TRPM2: variants seen among roughly 807,000 people sequenced by gnomAD.
TRPM2 encodes estrogen-responsive element-associated gene 1 protein.
Under a neutral mutation model 174.0 loss-of-function variants are expected in TRPM2, and 161 were observed. The observed-to-expected ratio is 0.93, with a 90% confidence interval of 0.81 to 1.05. The LOEUF (loss-of-function observed/expected upper bound fraction) is 1.05. Ranked by LOEUF, TRPM2 falls within the 50% of genes least tolerant of loss-of-function variation. TRPM2 has a pLI of 0.00. For missense variants in TRPM2, 2,057 were observed against 2,038.0 expected (o/e 1.01, Z -0.18); for synonymous variants, 954 against 861.3 (o/e 1.11, Z -1.88).
At chr21:44,397,420 G>C (rs45608434) in intron 12 of TRPM2, among the ~76,000 whole-genome samples, 5,852 of 152,228 alleles carry the variant, frequency 0.038, 313 homozygotes, top group African/African-American at 0.12. Context: ...CACTGGGCAC[G>C]CACAGGCCGG....
At position 44,391,643 on chromosome 21, in the gene TRPM2, G is replaced by T; in HGVS notation, c.1794+18G>T. 6.4e-7 allele frequency: 1 copy of T among 1,553,260 alleles called. No homozygotes were observed. Among genetic ancestry groups the T allele is most frequent in the Admixed American group, 1.8e-5 (1 of 54,590 alleles). ...AGCTCAACGTGCGTGCTGGTAACGG[G>T]GCCCATCCTGGACTCGTCTTCGCGG... On this transcript the variant is annotated intron_variant, in intron 11 of 31. Transcript: ENST00000397928. This position sits in a 1 kb window ranked among gnomAD's most constrained non-coding sequence, Gnocchi z 5.0.
intron 7 of TRPM2, 134 bp from the exon 8 acceptor site, chr21:44,378,863 T>G (rs1429993290): frequency 3.1e-6 from 3 of 972,606 alleles, no homozygotes; most frequent in East Asian, 2.6e-5. Context: ...ACGAAACTAA[T>G]AAGTGCTTTC....
chr21:44,441,889 C>A lies in TRPM2; in HGVS notation c.*72C>A, dbSNP rs560881842. Reference sequence around the variant, plus strand: ...GAAACCAGGGCTTCTCTCTCCTGAGCCTGGCCAGGACTCAGGCTGTTCCTG... The same window carrying A: ...GAAACCAGGGCTTCTCTCTCCTGAGACTGGCCAGGACTCAGGCTGTTCCTG... On this transcript the variant is annotated 3_prime_UTR_variant, in exon 32 of 32. Coordinates refer to ENST00000397928, the MANE Select transcript of TRPM2 (RefSeq NM_003307.4). 5.3e-6 allele frequency: 8 copies of A among 1,507,656 alleles called. No homozygotes were observed. Among genetic ancestry groups the A allele is most frequent in the Admixed American group, 4.0e-5 (2 of 50,608 alleles). The allele number at this position is 1,507,656 out of a possible 1,614,324, so 93.4% of individuals were successfully genotyped here. A position where few individuals can be genotyped will look rare whatever the true frequency, so the allele number is the denominator to read the frequency against.
At chr21:44,350,947 G>A (rs370026660), upstream of TRPM2, among the ~76,000 whole-genome samples, 1 of 152,190 alleles carries the variant, frequency 6.6e-6, no homozygotes. Context: ...CCCCGCACCC[G>A]CCTCTGCCTG....
chr21:44,355,423 C>T lies in TRPM2; in HGVS notation c.254+687C>T, dbSNP rs183607779. 4.1e-3 allele frequency among the ~76,000 whole-genome samples: 619 copies of T among 152,338 alleles called. 1 individual carries two copies. Among genetic ancestry groups the T allele is most frequent in the African/African-American group, 0.014 (569 of 41,568 alleles). Reference sequence around the variant, plus strand: ...CATGCTCTTCCACAAATGGGCCACACGCTTCCTCCTTTTACTCCATTGCCT... The same window carrying T: ...CATGCTCTTCCACAAATGGGCCACATGCTTCCTCCTTTTACTCCATTGCCT... On this transcript the variant is annotated intron_variant, in intron 2 of 31. Coordinates refer to ENST00000397928, the MANE Select transcript of TRPM2 (RefSeq NM_003307.4).
chr21:44,434,704 G>A (rs1184966974), intron 27 of TRPM2, among the ~76,000 whole-genome samples: 13 of 152,114 alleles, frequency 8.5e-5, no homozygotes. Flanking sequence ...CGGACGCAGG[G>A]CCTCTGGGTG....
chr21:44,426,262 C>T (rs938651530), intron 25 of TRPM2, among the ~76,000 whole-genome samples: 12 of 152,178 alleles, frequency 7.9e-5, no homozygotes, highest in South Asian at 2.1e-4. Flanking sequence ...GGGAGACCCC[C>T]GCCCTCCTGG....
intron 24 of TRPM2, 101 bp downstream of exon 24, chr21:44,425,040 C>T: frequency 2.8e-6 from 3 of 1,080,078 alleles, no homozygotes; most frequent in Non-Finnish European, 4.0e-6. Flanking sequence ...GGGGCTCTGT[C>T]CAGGAGGAAG....
intron 16 of TRPM2, 84 bp from the exon 17 acceptor site, chr21:44,405,058 A>C: frequency 6.3e-7 from 1 of 1,576,072 alleles, no homozygotes; most frequent in South Asian, 1.1e-5. Flanking sequence ...TGTGATGATG[A>C]TAGTGGATAG....
Position 44,391,143 on chromosome 21 carries a change from G to A in TRPM2, c.1440+118G>A. 6.4e-7 allele frequency: 1 copy of A among 1,560,424 alleles called. No homozygotes were observed. The highest frequency in any genetic ancestry group is 8.7e-7 in the Non-Finnish European group (1 of 1,147,282). On this transcript the variant is annotated intron_variant, in intron 10 of 31. Transcript: ENST00000397928. The surrounding 1 kb of genome is among the most constrained non-coding windows in gnomAD (Gnocchi z 5.0). ...ATCCCAGCCCTTCCCTTGAGGGTGG[G>A]TGACCTGGGCAGCTTTCATCCTCCC...
At position 44,407,217 on chromosome 21, in the gene TRPM2, T is replaced by A. The variant is rs1258786197; in HGVS notation, c.2962+452T>A. ...GCTGGAGTGCAGTGGCACGTCCACC[T>A]CCTGCGCTCAAGTCCTCCTCCCACC... On this transcript the variant is annotated intron_variant, in intron 19 of 31. Transcript: ENST00000397928. Among the ~76,000 whole-genome samples the A allele has an allele frequency of 3.0e-5, 4 of 134,448 alleles. No homozygotes were observed. In the East Asian group the frequency reaches 8.9e-4, roughly 30 times the overall value. The allele number at this position is 134,448 out of a possible 152,430, so 88.2% of individuals were successfully genotyped here.
At chr21:44,374,717 G>A (rs1304466524) in intron 5 of TRPM2, among the ~76,000 whole-genome samples, 1 of 152,080 alleles carries the variant, frequency 6.6e-6, no homozygotes, top group Non-Finnish European at 1.5e-5. Context: ...GGTGGAGCTC[G>A]GACAGTCACA....
At chr21:44,352,109 C>T (rs2047935183), upstream of TRPM2, among the ~76,000 whole-genome samples, 1 of 152,244 alleles carries the variant, frequency 6.6e-6, no homozygotes, top group South Asian at 2.1e-4. Context: ...CCTCTTCCTC[C>T]TGCCACTGGG....
chr21:44,386,182 G>A (rs897666517), intron 9 of TRPM2, among the ~76,000 whole-genome samples: 2 of 152,278 alleles, frequency 1.3e-5, no homozygotes, highest in South Asian at 4.1e-4. Context: ...TCAGGAGATT[G>A]AGACCATCCT....
intron 24 of TRPM2, 26 bp from the exon 25 acceptor site, chr21:44,425,644 C>G: frequency 6.8e-7 from 1 of 1,472,498 alleles, no homozygotes; most frequent in Non-Finnish European, 9.1e-7. Flanking sequence ...CTCCGCCTTG[C>G]GTCACGTCTT....
At position 44,440,426 on chromosome 21, in the gene TRPM2, C is replaced by T. The variant is rs8132537; in HGVS notation, c.4270-363C>T. Among the ~76,000 whole-genome samples, 1,109 of 152,284 alleles carry T rather than the reference C, an allele frequency of 7.3e-3. 13 individuals are homozygous for T. Among genetic ancestry groups the T allele is most frequent in the African/African-American group, 0.025 (1,042 of 41,544 alleles). On this transcript the variant is annotated intron_variant, in intron 30 of 31. Coordinates refer to ENST00000397928, the MANE Select transcript of TRPM2 (RefSeq NM_003307.4). ...TCCATCACCCCAGTCACCCCCAGCT[C>T]CTCCCCAGCACTCCCGCATCTGCTT...
Position 44,438,905 on chromosome 21 carries a change from T to C in TRPM2, c.4168-162T>C, listed in dbSNP as rs1256343392. On this transcript the variant is annotated intron_variant, in intron 29 of 31. Coordinates refer to ENST00000397928, the MANE Select transcript of TRPM2 (RefSeq NM_003307.4). This position sits in a 1 kb window ranked among gnomAD's most constrained non-coding sequence, Gnocchi z 5.9. ...CACAGATGCTGACGTGGACGGCGGG[T>C]TCTGGGCAATGTCACTGCAGCCTGA... 5.2e-6 allele frequency: 3 copies of C among 580,144 alleles called. No individual in the cohort carries two copies. Among genetic ancestry groups the C allele is most frequent in the Admixed American group, 2.9e-5 (1 of 34,936 alleles). 35.9% of individuals were successfully genotyped at this position (580,144 alleles called of 1,614,324 possible).
chr21:44,375,598 C>T (rs2146192332), intron 5 of TRPM2, among the ~76,000 whole-genome samples: 1 of 152,310 alleles, frequency 6.6e-6, no homozygotes, highest in South Asian at 2.1e-4. Flanking sequence ...CTGTGTGTGT[C>T]CCCCACCACC....
At chr21:44,383,983 G>T (rs1310651792) in intron 9 of TRPM2, among the ~76,000 whole-genome samples, 4 of 152,060 alleles carry the variant, frequency 2.6e-5, no homozygotes, top group Non-Finnish European at 5.9e-5. Context: ...AAAAGTAGCA[G>T]AATGAAGGAA....
Sources: gnomAD v4.1 joint callset for allele counts (sites outside exome capture counted in the v4.1 genomes callset) on GRCh38, gnomAD v4.1.1 for gene constraint, Gnocchi (gnomAD v3.1) non-coding constraint, MANE v1.5 for transcripts, NCBI Gene and HGNC (gene_info 2026-07-23, HGNC 2026-07-21) for gene names.